The following STAU1 variants were observed in gnomAD, a reference collection of about 807,000 sequenced individuals.
The protein encoded by STAU1 is double-stranded RNA-binding protein Staufen homolog 1.
A neutral mutation model predicts 62.9 loss-of-function variants in STAU1; 13 were observed. The observed-to-expected ratio is 0.21, with a 90% CI of 0.13 to 0.33. The LOEUF is 0.33. Among genes scored for constraint, STAU1 ranks in the 10% least tolerant of loss-of-function variants. The pLI is 1.00. For synonymous variants in STAU1, 269 were observed against 265.1 expected (o/e 1.01, Z -0.14); for missense variants, 571 against 712.1 (o/e 0.80, Z 2.25).
chr20:49,137,143 C>G (rs1437293938), intron 5 of STAU1, among the ~76,000 whole-genome samples: 1 of 152,086 alleles, frequency 6.6e-6, no homozygotes, highest in Non-Finnish European at 1.5e-5. Flanking sequence ...CCACTGAACT[C>G]CAGCATGGGC....
At chr20:49,219,013 CAAAAA>C in the STAU1 span, among the ~76,000 whole-genome samples, 2 of 53,174 alleles carry the variant, frequency 3.8e-5, no homozygotes, top group Non-Finnish European at 3.6e-5. Flanking sequence ...AACCCTGCCT[CAAAAA>C]AAAAAAAAAA....
At chr20:49,174,889 G>C (rs553485468) in intron 1 of STAU1, among the ~76,000 whole-genome samples, 15 of 144,674 alleles carry the variant, frequency 1.0e-4, no homozygotes, top group African/African-American at 3.9e-4. Flanking sequence ...AGCAGAGATC[G>C]CACCACTGCA....
At chr20:49,172,633 C>T (rs1600845117) in intron 2 of STAU1, among the ~76,000 whole-genome samples, 1 of 152,296 alleles carries the variant, frequency 6.6e-6, no homozygotes, top group East Asian at 1.9e-4. Flanking sequence ...CCACCATCTT[C>T]ATGCAAAACA....
intron 3 of STAU1, among the ~76,000 whole-genome samples, chr20:49,159,586 G>T (rs1225803458): frequency 2.0e-4 from 30 of 151,894 alleles, no homozygotes; most frequent in Non-Finnish European, 1.6e-4. Flanking sequence ...TTTGATAAAG[G>T]GTCTCACTCT....
chr20:49,149,451 T>C (rs1432465407), intron 5 of STAU1, among the ~76,000 whole-genome samples: 2 of 152,114 alleles, frequency 1.3e-5, no homozygotes, highest in Non-Finnish European at 1.5e-5. Flanking sequence ...TTTTAACTTC[T>C]CAAGTGATTG....
chr20:49,143,787 A>G (rs918033972), intron 5 of STAU1, among the ~76,000 whole-genome samples: 3 of 152,234 alleles, frequency 2.0e-5, no homozygotes, highest in African/African-American at 7.2e-5. Flanking sequence ...AGACATTTTA[A>G]TAAGAACTTA....
At chr20:49,128,773 C>CAAAAAAAAAAAA (rs34891670) in intron 6 of STAU1, among the ~76,000 whole-genome samples, 3 of 102,674 alleles carry the variant, frequency 2.9e-5, no homozygotes, top group Non-Finnish European at 3.9e-5. Context: ...CATCCAAATC[C>CAAAAAAAAAAAA]AAAAAAAAAA....
At chr20:49,206,625 G>A in the STAU1 span, among the ~76,000 whole-genome samples, 2 of 143,592 alleles carry the variant, frequency 1.4e-5, no homozygotes, top group South Asian at 2.2e-4. Context: ...ACCGCCCAAA[G>A]TACTGAGATT....
At chr20:49,125,743 G>A (rs1458687476) in intron 6 of STAU1, among the ~76,000 whole-genome samples, 1 of 151,970 alleles carries the variant, frequency 6.6e-6, no homozygotes, top group Non-Finnish European at 1.5e-5. Context: ...AGCTACTCGG[G>A]AGGCTGAAGC....
intron 13 of STAU1, 92 bp downstream of exon 13, chr20:49,115,690 T>C: frequency 8.9e-7 from 1 of 1,126,880 alleles, no homozygotes; most frequent in South Asian, 1.3e-5. Flanking sequence ...AGGCAAATAT[T>C]TCCCCGCTGA....
At chr20:49,175,398 G>T (rs2093646760) in intron 1 of STAU1, among the ~76,000 whole-genome samples, 1 of 151,928 alleles carries the variant, frequency 6.6e-6, no homozygotes, top group South Asian at 2.1e-4. Context: ...ACATTTATAA[G>T]AGACAGCAGA....
At chr20:49,174,417 A>G (rs2093633647) in intron 1 of STAU1, 148 bp from the exon 2 acceptor site, 1 of 152,258 alleles carries the variant, frequency 6.6e-6, no homozygotes, top group Non-Finnish European at 1.5e-5. Flanking sequence ...CATGCAGTAG[A>G]GTCTTCAAAA....
Position 49,114,542 on chromosome 20 carries a change from G to GAA in STAU1, c.*334_*335dup. ...GTGCCGTTTCTTCTTTCACACAGGG[G>GAA]AAAAAAAAGACCAAACACGGAGGTG... On this transcript the variant is annotated 3_prime_UTR_variant, in exon 14 of 14. Coordinates refer to ENST00000371856, the MANE Select transcript of STAU1 (RefSeq NM_017453.4). The GAA allele has an allele frequency of 3.3e-6, 1 of 305,194 alleles. No individual in the cohort carries two copies. The highest frequency in any genetic ancestry group is 6.1e-6 in the Non-Finnish European group (1 of 163,422). 18.9% of individuals were successfully genotyped at this position (305,194 alleles called of 1,614,324 possible).
chr20:49,207,519 G>A, the STAU1 span, among the ~76,000 whole-genome samples: 1 of 152,014 alleles, frequency 6.6e-6, no homozygotes, highest in Admixed American at 6.6e-5. Flanking sequence ...TTTTTTGTTT[G>A]GTTGGTTTGT....
chr20:49,136,349 A>G lies in STAU1; in HGVS notation c.511-418T>C, dbSNP rs540325759. On this transcript the variant is annotated intron_variant, in intron 5 of 13. Transcript: ENST00000371856. ...CATCCTAGCTGCAATGGTAAACCTT[A>G]AAAGCACTGAGCTTTGGCTTTATGA... Among the ~76,000 whole-genome samples, 11 of 152,306 alleles carry G rather than the reference A, an allele frequency of 7.2e-5. 1 individual carries two copies. The highest frequency in any genetic ancestry group is 2.6e-4 in the African/African-American group (11 of 41,572).
intron 1 of STAU1, among the ~76,000 whole-genome samples, chr20:49,182,303 T>C (rs2093735063): frequency 6.6e-6 from 1 of 152,224 alleles, no homozygotes; most frequent in East Asian, 1.9e-4. Flanking sequence ...ATTAAGCTAT[T>C]TGCAGTAATT....
At chr20:49,188,490 G>T (rs2093820676), upstream of STAU1, 1 of 149,960 alleles carries the variant, frequency 6.7e-6, no homozygotes, top group Admixed American at 6.6e-5. Flanking sequence ...GCCTGCGCTC[G>T]CAAGGCACGC....
intron 10 of STAU1, 61 bp from the exon 11 acceptor site, chr20:49,118,157 C>A: frequency 6.5e-7 from 1 of 1,531,096 alleles, no homozygotes; most frequent in Non-Finnish European, 9.0e-7. Flanking sequence ...AACGCAATGA[C>A]ACCATCAAAC....
intron 5 of STAU1, among the ~76,000 whole-genome samples, chr20:49,149,555 G>T (rs1453965485): frequency 6.6e-6 from 1 of 152,178 alleles, no homozygotes; most frequent in Non-Finnish European, 1.5e-5. Context: ...ACTCCAATTA[G>T]ATTAGCAACA....
Sources: gnomAD v4.1 joint callset for allele counts (sites outside exome capture counted in the v4.1 genomes callset) on GRCh38, gnomAD v4.1.1 for gene constraint, MANE v1.5 for transcripts, NCBI Gene and HGNC (gene_info 2026-07-23, HGNC 2026-07-21) for gene names.